The following OGFOD3 variants were observed in gnomAD, a reference collection of about 807,000 sequenced individuals.
The protein encoded by OGFOD3 is 2-oxoglutarate and iron-dependent oxygenase domain-containing protein 3.
OGFOD3 carries 35 observed loss-of-function variants against 39.8 expected under a neutral mutation model. The observed-to-expected ratio is 0.88, with a 90% CI of 0.67 to 1.17. The LOEUF (loss-of-function observed/expected upper bound fraction) is 1.17. OGFOD3 is among the 50% of genes most tolerant of loss of function. OGFOD3 has a pLI of 0.00. For missense variants in OGFOD3, 438 were observed against 454.5 expected (o/e 0.96, Z 0.33); for synonymous variants, 200 against 192.0 (o/e 1.04, Z -0.34).
intron 2 of OGFOD3, among the ~76,000 whole-genome samples, chr17:82,414,963 C>T (rs2053009068): frequency 6.6e-6 from 1 of 152,176 alleles, no homozygotes; most frequent in Non-Finnish European, 1.5e-5. Flanking sequence ...CTGGGCTGCC[C>T]TGGAACCACC....
intron 2 of OGFOD3, among the ~76,000 whole-genome samples, chr17:82,412,212 G>A (rs545039407): frequency 6.6e-6 from 1 of 152,140 alleles, no homozygotes; most frequent in East Asian, 1.9e-4. Flanking sequence ...GTCTCTCCCC[G>A]TACCTTGGTG....
In OGFOD3 at chr17:82,392,944, C is replaced by G. The variant is rs1330340326; in HGVS notation, c.824-410G>C. 2.4e-5 allele frequency: 4 copies of G among 168,452 alleles called. No individual in the cohort carries two copies. Among genetic ancestry groups the G allele is most frequent in the African/African-American group, 7.1e-5 (3 of 41,982 alleles). 10.4% of individuals were successfully genotyped at this position (168,452 alleles called of 1,614,324 possible). On this transcript the variant is annotated intron_variant, in intron 8 of 8. Transcript: ENST00000313056. The surrounding 1 kb of genome is among the most constrained non-coding windows in gnomAD (Gnocchi z 4.2). ...CTAATCACAGGTTGAGAACAAAAAC[C>G]AAGCCCTGGGGGTGTTCTAACAAAG...
chr17:82,411,822 C>G (rs2052947922), intron 2 of OGFOD3: 2 of 430,342 alleles, frequency 4.6e-6, no homozygotes, highest in Non-Finnish European at 8.5e-6. Context: ...CAACAGCATT[C>G]CTGAACCATC....
intron 7 of OGFOD3, 147 bp from the exon 8 acceptor site, chr17:82,398,466 C>A (rs2143208860): frequency 1.1e-6 from 1 of 922,546 alleles, no homozygotes; most frequent in East Asian, 2.8e-5. Context: ...GTGATGCGAT[C>A]TCGGCTCACT....
In OGFOD3 at chr17:82,392,190, A is replaced by G. The variant is rs2052605334; in HGVS notation, c.*208T>C. ...CTCCACCTCAGGCTCCCAGGCCTAC[A>G]GCCCAAGCACACATGATGCTGGAGA... On this transcript the variant is annotated 3_prime_UTR_variant, in exon 9 of 9. Coordinates refer to ENST00000313056, the MANE Select transcript of OGFOD3 (RefSeq NM_024648.3). This position sits in a 1 kb window ranked among gnomAD's most constrained non-coding sequence, Gnocchi z 4.2. The G allele has an allele frequency of 4.7e-6, 3 of 634,246 alleles. No individual in the cohort carries two copies. The highest frequency in any genetic ancestry group is 4.0e-5 in the South Asian group (2 of 49,516). The allele number at this position is 634,246 out of a possible 1,614,324, so 39.3% of individuals were successfully genotyped here.
intron 2 of OGFOD3, among the ~76,000 whole-genome samples, chr17:82,414,336 CTG>C (rs2052999556): frequency 6.6e-6 from 1 of 152,204 alleles, no homozygotes; most frequent in African/African-American, 2.4e-5. Context: ...TGGGGTCTCA[CTG>C]TGTTTCCCAG....
At chr17:82,395,263 C>T (rs1292674039) in intron 8 of OGFOD3, among the ~76,000 whole-genome samples, 1 of 152,144 alleles carries the variant, frequency 6.6e-6, no homozygotes, top group Non-Finnish European at 1.5e-5. Flanking sequence ...AACTCCCGAG[C>T]TCAAACGATC....
At position 82,398,331 on chromosome 17, in the gene OGFOD3, G is replaced by C; in HGVS notation, c.700-12C>G. The C allele has an allele frequency of 6.2e-7, 1 of 1,614,096 alleles. No individual in the cohort carries two copies. The highest frequency in any genetic ancestry group is 1.3e-5 in the African/African-American group (1 of 75,066). On this transcript the variant is annotated splice_polypyrimidine_tract_variant and intron_variant, in intron 7 of 8. Transcript: ENST00000313056. ...GAGCCGTAGGTCACCTGAGGGCAGA[G>C]CCGGGAGGAGGGGGCAGAATGGGCT...
chr17:82,396,339 C>T lies in OGFOD3; in HGVS notation c.823+1857G>A, dbSNP rs536139752. 1.2e-4 allele frequency among the ~76,000 whole-genome samples: 13 copies of T among 105,260 alleles called. No homozygotes were observed. The East Asian group carries it at 2.1e-3, about 17-fold the overall frequency. The allele number at this position is 105,260 out of a possible 152,430, so 69.1% of individuals were successfully genotyped here. A position where few individuals can be genotyped will look rare whatever the true frequency, so the allele number is the denominator to read the frequency against. On this transcript the variant is annotated intron_variant, in intron 8 of 8. Transcript: ENST00000313056. ...CAAATCACAGGTAAACACATAGATA[C>T]ACACAATTAGATGTACGACATCAAA...
At position 82,404,304 on chromosome 17, in the gene OGFOD3, C is replaced by CTGGGGAGG. The variant is rs1200313418; in HGVS notation, c.546-215_546-214insCCTCCCCA. ...AGAGCAGCCAGAGGCAGGCGCAAGA[C>CTGGGGAGG]CACAGCAGCAGGACTGGGGAGGCAG... is the stretch of plus-strand genomic sequence containing the variant. On this transcript the variant is annotated intron_variant, in intron 6 of 8. Transcript: ENST00000313056. This position sits in a 1 kb window ranked among gnomAD's most constrained non-coding sequence, Gnocchi z 4.5. Among the ~76,000 whole-genome samples the CTGGGGAGG allele has an allele frequency of 6.6e-6, 1 of 152,224 alleles. No individual in the cohort carries two copies. The highest frequency in any genetic ancestry group is 1.5e-5 in the Non-Finnish European group (1 of 68,036).
Position 82,398,245 on chromosome 17 carries a change from C to T in OGFOD3, c.774G>A (p.Arg258=). ...SNYLEDFGGG[R]FMFMEEGANK... ...TGGCACCCTCCTCCATGAACATGAA[C>T]CGCCCTCCGCCGAAGTCCTCCAGGT... The change falls in exon 8 of 9, where the codon CGG becomes CGA. Residue 258 remains arginine (R), a synonymous_variant. Transcript: ENST00000313056. 1 of 1,614,166 alleles carries T rather than the reference C, an allele frequency of 6.2e-7. No homozygotes were observed. Among genetic ancestry groups the T allele is most frequent in the Non-Finnish European group, 8.5e-7 (1 of 1,180,014 alleles).
chr17:82,401,752 T>G (rs2143228550), intron 7 of OGFOD3, among the ~76,000 whole-genome samples: 1 of 133,874 alleles, frequency 7.5e-6, no homozygotes, highest in South Asian at 2.4e-4. Context: ...TGCAGTGAGC[T>G]GAGATCGCGC....
rs192950884 is a variant in OGFOD3, at chr17:82,405,225, G to A, written c.545+99C>T. 3.4e-3 allele frequency: 3,485 copies of A among 1,024,758 alleles called. 17 individuals carry two copies. Among genetic ancestry groups the A allele is most frequent in the Non-Finnish European group, 4.4e-3 (2,925 of 662,552 alleles). 63.5% of individuals were successfully genotyped at this position (1,024,758 alleles called of 1,614,324 possible). A position where few individuals can be genotyped will look rare whatever the true frequency, so the allele number is the denominator to read the frequency against. ...CTGCAGGCCTGGCCCTGGCCCCTGG[G>A]CCTCTCCGTGGGGCCTCCCCGGACC... On this transcript the variant is annotated intron_variant, in intron 6 of 8. Coordinates refer to ENST00000313056, the MANE Select transcript of OGFOD3 (RefSeq NM_024648.3).
Position 82,415,356 on chromosome 17 carries a change from C to A in OGFOD3, c.304+42G>T. ...CTTCGTCGCAGCCAATGTCCTTTAACCACACTGAGTCTCATTTTAAAGTGT... is the reference window on the plus strand; with the variant it reads ...CTTCGTCGCAGCCAATGTCCTTTAAACACACTGAGTCTCATTTTAAAGTGT... On this transcript the variant is annotated intron_variant, in intron 2 of 8. Coordinates refer to ENST00000313056, the MANE Select transcript of OGFOD3 (RefSeq NM_024648.3). This position sits in a 1 kb window ranked among gnomAD's most constrained non-coding sequence, Gnocchi z 5.3. 1 of 1,579,716 alleles carries A rather than the reference C, an allele frequency of 6.3e-7. No homozygotes were observed.
intron 1 of OGFOD3, among the ~76,000 whole-genome samples, chr17:82,417,474 C>A (rs886707352): frequency 2.0e-5 from 3 of 152,022 alleles, no homozygotes; most frequent in Non-Finnish European, 4.4e-5. Flanking sequence ...CAAAAATTAG[C>A]CGGGCATGGT....
intron 4 of OGFOD3, among the ~76,000 whole-genome samples, chr17:82,407,542 AC>A (rs1411373374): frequency 6.6e-6 from 1 of 152,150 alleles, no homozygotes; most frequent in Non-Finnish European, 1.5e-5. Context: ...TTCCTGCCCG[AC>A]CACCCACCTC....
Position 82,418,466 on chromosome 17 carries a change from G to A in OGFOD3, c.20C>T (p.Ala7Val). The A allele has an allele frequency of 6.8e-7, 1 of 1,472,000 alleles. No individual in the cohort carries two copies. 91.2% of individuals were successfully genotyped at this position (1,472,000 alleles called of 1,614,324 possible). ...GTTGCCCTCGGGCGCCTTGGTTGCG[G>A]CCCTCCGCTGAGGAGCCATCGGACC... MAPQRR[A>V]ATKAPEGNGA... The change falls in exon 1 of 9, where the codon GCC becomes GTC. Residue 7 changes from alanine to valine, a missense_variant. Physicochemically the swap from Ala to Val is moderately conservative, Grantham distance 64. Coordinates refer to ENST00000313056, the MANE Select transcript of OGFOD3 (RefSeq NM_024648.3).
At position 82,392,569 on chromosome 17, in the gene OGFOD3, G is replaced by A; in HGVS notation, c.824-35C>T. ...GAGAAGAGAGAGAGGTGGCCATAGA[G>A]CCACACCCACGGCCACAGCCTTCAG... On this transcript the variant is annotated intron_variant, in intron 8 of 8. Coordinates refer to ENST00000313056, the MANE Select transcript of OGFOD3 (RefSeq NM_024648.3). This position sits in a 1 kb window ranked among gnomAD's most constrained non-coding sequence, Gnocchi z 4.2. 2 of 1,561,224 alleles carry A rather than the reference G, an allele frequency of 1.3e-6. No homozygotes were observed. The highest frequency in any genetic ancestry group is 1.7e-6 in the Non-Finnish European group (2 of 1,152,832).
chr17:82,413,779 G>A (rs2052990498), intron 2 of OGFOD3, among the ~76,000 whole-genome samples: 1 of 151,182 alleles, frequency 6.6e-6, no homozygotes, highest in Non-Finnish European at 1.5e-5. Flanking sequence ...GCTGAGGCAG[G>A]AGAATCACTT....
Sources: allele counts gnomAD v4.1 joint callset (sites outside exome capture counted in the v4.1 genomes callset), GRCh38; gene constraint gnomAD v4.1.1; non-coding constraint Gnocchi (gnomAD v3.1); transcripts MANE v1.5; gene names NCBI Gene and HGNC (gene_info 2026-07-23, HGNC 2026-07-21).